Variants in MMRN2 observed in about 807,000 individuals in gnomAD.
MMRN2 encodes the protein multimerin-2.
MMRN2 carries 53 observed loss-of-function variants against 68.8 expected under a neutral mutation model. The ratio of observed to expected loss-of-function variants is 0.77; its 90% CI spans 0.62 to 0.97. The LOEUF is 0.97. Ranked by LOEUF, MMRN2 falls within the 50% of genes least tolerant of loss-of-function variation. MMRN2 has a pLI of 0.00. For missense variants in MMRN2, 1,266 were observed against 1,259.5 expected (o/e 1.01, Z -0.08); for synonymous variants, 564 against 551.6 (o/e 1.02, Z -0.32).
Position 86,957,514 on chromosome 10 carries a change from CA to C in MMRN2, c.27del (p.Gly11AlafsTer43), listed in dbSNP as rs780317602. On this transcript the variant is annotated frameshift_variant, in exon 1 of 7. Transcript: ENST00000372027. LOFTEE classifies it high-confidence loss of function. The part of the protein sequence containing the change: MILSLLFS[L>X]GGPLGWGLLG... ...AGCAGCCCCCAGCCCAGGGGGCCCC[CA>C]AGGCTGAACAGCAAGCTCAGGATCA... 8 of 1,612,072 alleles carry C rather than the reference CA, an allele frequency of 5.0e-6. No individual in the cohort carries two copies. The African/African-American group carries it at 8.0e-5, about 16-fold the overall frequency.
chr10:86,941,322 T>A (rs917244502), intron 6 of MMRN2, among the ~76,000 whole-genome samples: 3 of 152,220 alleles, frequency 2.0e-5, no homozygotes, highest in Non-Finnish European at 4.4e-5. Context: ...TTTTCCTCTA[T>A]GTACATACCT....
At chr10:86,939,000 T>A (rs1002555756) in intron 6 of MMRN2, among the ~76,000 whole-genome samples, 10 of 150,342 alleles carry the variant, frequency 6.7e-5, no homozygotes, top group African/African-American at 2.4e-4. Context: ...CCATCTCTAC[T>A]AAAAATACAA....
Position 86,957,538 on chromosome 10 carries a change from T to C in MMRN2, c.4A>G (p.Ile2Val). The change falls in exon 1 of 7, where the codon ATC (isoleucine) becomes GTC (valine). Residue 2 changes from isoleucine to valine, a missense_variant. Ile to Val is a conservative substitution (Grantham distance 29, BLOSUM62 3). Coordinates refer to ENST00000372027, the MANE Select transcript of MMRN2 (RefSeq NM_024756.3). MILSLLFSLGGP... is the reference protein window; with the variant it reads MVLSLLFSLGGP... ...CCAAGGCTGAACAGCAAGCTCAGGATCATCTTGGTGGTGGGGCAGGCTCAG... is the reference window on the plus strand; with the variant it reads ...CCAAGGCTGAACAGCAAGCTCAGGACCATCTTGGTGGTGGGGCAGGCTCAG... 2 of 1,608,030 alleles carry C rather than the reference T, an allele frequency of 1.2e-6. No individual in the cohort carries two copies. Among genetic ancestry groups the C allele is most frequent in the Admixed American group, 1.7e-5 (1 of 59,282 alleles).
At chr10:86,956,387 C>A (rs1381834952) in intron 1 of MMRN2, among the ~76,000 whole-genome samples, 1 of 152,224 alleles carries the variant, frequency 6.6e-6, no homozygotes, top group African/African-American at 2.4e-5. Flanking sequence ...CCAGGCAGGT[C>A]CGCTCTGCGA....
chr10:86,939,367 C>T (rs1843925251), intron 6 of MMRN2, among the ~76,000 whole-genome samples: 1 of 141,050 alleles, frequency 7.1e-6, no homozygotes, highest in South Asian at 2.3e-4. Flanking sequence ...GAGGCTGAGG[C>T]AGGAGAATCG....
Position 86,942,957 on chromosome 10 carries a change from C to T in MMRN2, c.1827G>A (p.Val609=). The T allele has an allele frequency of 6.7e-7, 1 of 1,499,834 alleles. No homozygotes were observed. 92.9% of individuals were successfully genotyped at this position (1,499,834 alleles called of 1,614,324 possible). A position where few individuals can be genotyped will look rare whatever the true frequency, so the allele number is the denominator to read the frequency against. Residue 609 remains valine (V), a synonymous_variant, in exon 6 of 7, where the codon GTG becomes GTA. Transcript: ENST00000372027. ...CCTCCTCCCCGAAGAGCGCGGCCAG[C>T]ACCGCCTCGTGCCGCAGCGCGTCCT... ...LLEDALRHEA[V]LAALFGEEVL...
intron 6 of MMRN2, among the ~76,000 whole-genome samples, chr10:86,939,016 G>C (rs1843917743): frequency 6.6e-6 from 1 of 151,836 alleles, no homozygotes; most frequent in Non-Finnish European, 1.5e-5. Context: ...TACAAAATTA[G>C]CCAGGCGTGG....
chr10:86,940,795 G>A (rs912601205), intron 6 of MMRN2, among the ~76,000 whole-genome samples: 1 of 152,222 alleles, frequency 6.6e-6, no homozygotes, highest in African/African-American at 2.4e-5. Context: ...TTAGCCCTGT[G>A]TCTGGGTGGG....
chr10:86,947,647 A>G (rs1844087764), intron 1 of MMRN2, among the ~76,000 whole-genome samples: 1 of 152,054 alleles, frequency 6.6e-6, no homozygotes, highest in South Asian at 2.1e-4. Flanking sequence ...CTGGGATTAC[A>G]GGCGTGAGCC....
chr10:86,936,451 G>A lies in MMRN2; in HGVS notation c.*292C>T. On this transcript the variant is annotated 3_prime_UTR_variant, in exon 7 of 7. Transcript: ENST00000372027. ...CCAAAGAAGTTGTAGAATACAGGGT[G>A]TGGTGAAGAGTTGGAGCCCAGGCCG... is the stretch of plus-strand genomic sequence containing the variant. 1 of 529,118 alleles carries A rather than the reference G, an allele frequency of 1.9e-6. No homozygotes were observed. The highest frequency in any genetic ancestry group is 3.3e-6 in the Non-Finnish European group (1 of 300,518). The allele number at this position is 529,118 out of a possible 1,614,324, so 32.8% of individuals were successfully genotyped here. A position where few individuals can be genotyped will look rare whatever the true frequency, so the allele number is the denominator to read the frequency against.
Position 86,936,956 on chromosome 10 carries a change from G to A in MMRN2, c.2637C>T (p.Gly879=). The A allele has an allele frequency of 6.2e-7, 1 of 1,614,206 alleles. No individual in the cohort carries two copies. Among genetic ancestry groups the A allele is most frequent in the East Asian group, 2.2e-5 (1 of 44,878 alleles). ...VYLFAVSVEF[G]PGPGTGQLVF... ...CCAGCTGCCCGGTGCCTGGCCCTGGGCCAAATTCAACGCTCACTGCAAACA... is the reference window on the plus strand; with the variant it reads ...CCAGCTGCCCGGTGCCTGGCCCTGGACCAAATTCAACGCTCACTGCAAACA... Residue 879 remains glycine (G), a synonymous_variant, in exon 7 of 7, where the codon GGC becomes GGT. Transcript: ENST00000372027.
chr10:86,951,472 C>G (rs1401792959), intron 1 of MMRN2, among the ~76,000 whole-genome samples: 2 of 152,230 alleles, frequency 1.3e-5, no homozygotes, highest in Non-Finnish European at 1.5e-5. Flanking sequence ...GTCACATGCC[C>G]CTGATGCTGG....
chr10:86,936,997 CAG>C lies in MMRN2; in HGVS notation c.2594_2595del (p.Pro865ArgfsTer12), dbSNP rs768625864. On this transcript the variant is annotated frameshift_variant, in exon 7 of 7. Transcript: ENST00000372027. LOFTEE classifies it low-confidence loss of function (END_TRUNC). ...ACTGCAAACAGGTAGACACCACGCT[CAG>C]GGGCTCGGAAGTAGCCATGTTCAGG... ...YFPEHGYFRA[P>X]ERGVYLFAVS... 20 of 1,614,110 alleles carry C rather than the reference CAG, an allele frequency of 1.2e-5. No individual in the cohort carries two copies. Among genetic ancestry groups the C allele is most frequent in the East Asian group, 2.2e-5 (1 of 44,892 alleles).
In MMRN2 at chr10:86,943,474, T is replaced by A. The variant is rs538271725; in HGVS notation, c.1310A>T (p.Gln437Leu). Residue 437 changes from glutamine to leucine, a missense_variant, in exon 6 of 7, where the codon CAG becomes CTG. Transcript: ENST00000372027. The surrounding 1 kb of genome is among the most constrained non-coding windows in gnomAD (Gnocchi z 4.2). ...SKVERQVEEL[Q>L]VNHTALRELR... ...CTCACGGAGCGCCGTGTGGTTCACC[T>A]GCAGCTCCTCCACCTGCCGCTCCAC... 1.1e-5 allele frequency: 17 copies of A among 1,614,072 alleles called. No homozygotes were observed. The South Asian group carries it at 1.6e-4, about 16-fold the overall frequency.
At chr10:86,938,409 A>T (rs1843910077) in intron 6 of MMRN2, among the ~76,000 whole-genome samples, 1 of 152,248 alleles carries the variant, frequency 6.6e-6, no homozygotes, top group African/African-American at 2.4e-5. Flanking sequence ...CTGACAGAAC[A>T]CTGGTGCCAG....
At position 86,943,264 on chromosome 10, in the gene MMRN2, C is replaced by T; in HGVS notation, c.1520G>A (p.Gly507Asp). 1 of 1,613,428 alleles carries T rather than the reference C, an allele frequency of 6.2e-7. No homozygotes were observed. Residue 507 changes from glycine to aspartate, a missense_variant, in exon 6 of 7, where the codon GGC (glycine) becomes GAC (aspartate). Physicochemically the swap from Gly to Asp is moderately conservative, Grantham distance 94 (BLOSUM62 -1). Transcript: ENST00000372027. The surrounding 1 kb of genome is among the most constrained non-coding windows in gnomAD (Gnocchi z 4.2). ...LYLDLDVIRE[G>D]QRDATRALEE... ...CAGGGCACGCGTGGCGTCCCTCTGG[C>T]CCTCCCGGATGACGTCCAGGTCTAA...
chr10:86,942,450 G>C lies in MMRN2; in HGVS notation c.2334C>G (p.Ser778Arg), dbSNP rs374818538. 9 of 1,614,012 alleles carry C rather than the reference G, an allele frequency of 5.6e-6. No homozygotes were observed. The highest frequency in any genetic ancestry group is 1.3e-5 in the African/African-American group (1 of 74,924). Residue 778 changes from serine to arginine, a missense_variant, in exon 6 of 7, where the codon AGC (serine) becomes AGG (arginine). Transcript: ENST00000372027. Reference protein sequence around the residue: ...LDLGKLQTMLSRKGKKQQKDL... With the variant: ...LDLGKLQTMLRRKGKKQQKDL... ...CTTTCTGCTGCTTCTTCCCTTTCCT[G>C]CTCAGCATGGTCTGCAGCTTCCCCA...
Position 86,943,424 on chromosome 10 carries a change from A to T in MMRN2, c.1360T>A (p.Ser454Thr). ...TCCTTGTTCTCCTCCATGATCAGAG[A>T]CTTCTCCATCAGGATCACGCGCAGC... ...RELRVILMEK[S>T]LIMEENKEEV... The change falls in exon 6 of 7, where the codon TCT becomes ACT. Residue 454 changes from serine to threonine, a missense_variant. Coordinates refer to ENST00000372027, the MANE Select transcript of MMRN2 (RefSeq NM_024756.3). The surrounding 1 kb of genome is among the most constrained non-coding windows in gnomAD (Gnocchi z 4.2). 9 of 1,614,024 alleles carry T rather than the reference A, an allele frequency of 5.6e-6. No individual in the cohort carries two copies. The highest frequency in any genetic ancestry group is 7.6e-6 in the Non-Finnish European group (9 of 1,179,966).
chr10:86,946,120 C>A (rs923280476), intron 1 of MMRN2, among the ~76,000 whole-genome samples: 1 of 152,258 alleles, frequency 6.6e-6, no homozygotes, highest in Non-Finnish European at 1.5e-5. Flanking sequence ...CTGCTACCAA[C>A]GTGCAGCTGG....
Sources: gnomAD v4.1 joint callset for allele counts (sites outside exome capture counted in the v4.1 genomes callset) on GRCh38, gnomAD v4.1.1 for gene constraint, Gnocchi (gnomAD v3.1) non-coding constraint, MANE v1.5 for transcripts, NCBI Gene and HGNC (gene_info 2026-07-23, HGNC 2026-07-21) for gene names.